The following RHD variants were observed in gnomAD, a reference collection of about 807,000 sequenced individuals.
RHD encodes the protein Rh blood group D antigen.
RHD carries 16 observed loss-of-function variants against 45.5 expected under a neutral mutation model. That is an observed-to-expected ratio of 0.35 (90% confidence interval 0.24 to 0.53). The LOEUF (loss-of-function observed/expected upper bound fraction) is 0.53, where lower values mean the gene tolerates loss of function less well. RHD is among the 20% of genes least tolerant of loss of function. The pLI, the probability that RHD is intolerant of heterozygous loss-of-function variation, is 0.92. For missense variants in RHD, 306 were observed against 532.0 expected (o/e 0.58, Z 4.18); for synonymous variants, 131 against 217.5 (o/e 0.60, Z 3.50).
At chr1:25,321,232 C>T (rs1189443150) in intron 8 of RHD, among the ~76,000 whole-genome samples, 1 of 127,762 alleles carries the variant, frequency 7.8e-6, no homozygotes, top group African/African-American at 2.7e-5. Flanking sequence ...CCATAGTAGC[C>T]CATATGTCTT....
chr1:25,313,740 G>A (rs866315502), intron 7 of RHD, among the ~76,000 whole-genome samples: 3 of 132,002 alleles, frequency 2.3e-5, no homozygotes, highest in Middle Eastern at 4.1e-3. Flanking sequence ...ACTGGGTGAG[G>A]GCATCCACTA....
At chr1:25,274,592 G>A (rs1196356054) in intron 1 of RHD, among the ~76,000 whole-genome samples, 1 of 133,500 alleles carries the variant, frequency 7.5e-6, no homozygotes, top group East Asian at 1.9e-4. Context: ...AGGCTCAGTA[G>A]GAATTACCTG....
rs1172481578 is a variant in RHD, at chr1:25,275,491, G to T, written c.148+2796G>T. Reference sequence around the variant, plus strand: ...GCATGGCTTGAGACACCAGACCAGCGTGGAGGCTGTAGTGTAGTATTGACC... The same window carrying T: ...GCATGGCTTGAGACACCAGACCAGCTTGGAGGCTGTAGTGTAGTATTGACC... On this transcript the variant is annotated intron_variant, in intron 1 of 9. Coordinates refer to ENST00000328664, the MANE Select transcript of RHD (RefSeq NM_016124.6). Among the ~76,000 whole-genome samples the T allele has an allele frequency of 3.8e-5, 5 of 131,238 alleles. 2 individuals are homozygous for T. Among genetic ancestry groups the T allele is most frequent in the Non-Finnish European group, 1.8e-5 (1 of 55,534 alleles). The allele number at this position is 131,238 out of a possible 152,430, so 86.1% of individuals were successfully genotyped here.
At chr1:25,277,651 C>G (rs1641127142) in intron 1 of RHD, among the ~76,000 whole-genome samples, 1 of 128,436 alleles carries the variant, frequency 7.8e-6, no homozygotes, top group South Asian at 2.4e-4. Flanking sequence ...TGAATTGACA[C>G]ACATAAAGAG....
Position 25,311,723 on chromosome 1 carries a change from G to GT in RHD, c.1073+4994_1073+4995insT, listed in dbSNP as rs1644159963. 2.4e-5 allele frequency among the ~76,000 whole-genome samples: 3 copies of GT among 126,138 alleles called. 1 individual carries two copies. The highest frequency in any genetic ancestry group is 1.9e-5 in the Non-Finnish European group (1 of 53,732). 82.8% of individuals were successfully genotyped at this position (126,138 alleles called of 152,430 possible). ...CTGCCCAGGGCTGCCTTGGGTCTCTGCTCCCCACATTTCTGGTGCAGCATT... is the reference window on the plus strand; with the variant it reads ...CTGCCCAGGGCTGCCTTGGGTCTCTGTCTCCCCACATTTCTGGTGCAGCATT... On this transcript the variant is annotated intron_variant, in intron 7 of 9. Transcript: ENST00000328664.
chr1:25,280,252 G>A (rs1447593749), intron 1 of RHD, among the ~76,000 whole-genome samples: 1 of 127,856 alleles, frequency 7.8e-6, no homozygotes, highest in Admixed American at 7.6e-5. Flanking sequence ...TCGGGATCAG[G>A]GGCAGCAGCT....
Position 25,305,583 on chromosome 1 carries a change from TTTGTTG to T in RHD, c.940-982_940-977del, listed in dbSNP as rs200713124. Among the ~76,000 whole-genome samples the T allele has an allele frequency of 3.4e-3, 410 of 118,918 alleles. 74 individuals carry two copies. In the Middle Eastern group the frequency reaches 0.041, roughly 12 times the overall value. The allele number at this position is 118,918 out of a possible 152,430, so 78.0% of individuals were successfully genotyped here. A position where few individuals can be genotyped will look rare whatever the true frequency, so the allele number is the denominator to read the frequency against. On this transcript the variant is annotated intron_variant, in intron 6 of 9. Coordinates refer to ENST00000328664, the MANE Select transcript of RHD (RefSeq NM_016124.6). ...GGCTAATTTTCGTGTGTGTATGTAT[TTTGTTG>T]TTGTTGTTGTTGTTGTTGTTGTTGT...
At position 25,292,058 on chromosome 1, in the gene RHD, G is replaced by A. The variant is rs1383715490; in HGVS notation, c.486+1267G>A. On this transcript the variant is annotated intron_variant, in intron 3 of 9. Transcript: ENST00000328664. ...GCCATAAATCCCTGTGTGACTCTGG[G>A]CAATTTAACCTCTTAGAGCTTTAGT... is the stretch of plus-strand genomic sequence containing the variant. Among the ~76,000 whole-genome samples the A allele has an allele frequency of 2.3e-5, 3 of 132,534 alleles. 1 individual carries two copies. The highest frequency in any genetic ancestry group is 5.4e-5 in the Non-Finnish European group (3 of 55,922). The allele number at this position is 132,534 out of a possible 152,430, so 86.9% of individuals were successfully genotyped here. A position where few individuals can be genotyped will look rare whatever the true frequency, so the allele number is the denominator to read the frequency against.
chr1:25,320,186 C>G lies in RHD; in HGVS notation c.1154-1703C>G, dbSNP rs1177188832. Among the ~76,000 whole-genome samples the G allele has an allele frequency of 3.0e-5, 4 of 132,444 alleles. No individual in the cohort carries two copies. In the East Asian group the frequency reaches 7.8e-4, roughly 26 times the overall value. The allele number at this position is 132,444 out of a possible 152,430, so 86.9% of individuals were successfully genotyped here. A position where few individuals can be genotyped will look rare whatever the true frequency, so the allele number is the denominator to read the frequency against. The stretch of plus-strand genomic sequence containing the variant: ...GTGCTGGGATTACAGGGATAAGCCA[C>G]TGCGACCGGCCGACAAATTCTTAAA... On this transcript the variant is annotated intron_variant, in intron 8 of 9. Coordinates refer to ENST00000328664, the MANE Select transcript of RHD (RefSeq NM_016124.6).
chr1:25,322,277 C>G lies in RHD; in HGVS notation c.1227+315C>G, dbSNP rs1225695952. Among the ~76,000 whole-genome samples the G allele has an allele frequency of 4.5e-5, 6 of 132,454 alleles. 1 individual carries two copies. The highest frequency in any genetic ancestry group is 1.1e-4 in the Non-Finnish European group (6 of 55,882). 86.9% of individuals were successfully genotyped at this position (132,454 alleles called of 152,430 possible). A position where few individuals can be genotyped will look rare whatever the true frequency, so the allele number is the denominator to read the frequency against. On this transcript the variant is annotated intron_variant, in intron 9 of 9. Transcript: ENST00000328664. ...CAGCGTAGCCAAATAGTCTGACATGCGGGTGACAGAACCCCACAATGCAAA... is the reference window on the plus strand; with the variant it reads ...CAGCGTAGCCAAATAGTCTGACATGGGGGTGACAGAACCCCACAATGCAAA...
chr1:25,284,767 G>A lies in RHD; in HGVS notation c.335+8G>A, dbSNP rs750386046. On this transcript the variant is annotated splice_region_variant and intron_variant, in intron 2 of 9. Transcript: ENST00000328664. The stretch of plus-strand genomic sequence containing the variant: ...GGTCATCACACTGTTCAGGTATTGG[G>A]ATGGTGGCTGGATCACTTCTGGGTC... 2.2e-6 allele frequency: 3 copies of A among 1,388,058 alleles called. No homozygotes were observed. The East Asian group carries it at 6.7e-5, about 31-fold the overall frequency. 86.0% of individuals were successfully genotyped at this position (1,388,058 alleles called of 1,614,324 possible). A position where few individuals can be genotyped will look rare whatever the true frequency, so the allele number is the denominator to read the frequency against.
At chr1:25,283,863 C>T (rs1641717079) in intron 1 of RHD, among the ~76,000 whole-genome samples, 2 of 133,980 alleles carry the variant, frequency 1.5e-5, no homozygotes, top group South Asian at 4.4e-4. Flanking sequence ...GGAATTAAAC[C>T]AAAGTGCTCA....
At chr1:25,275,557 G>A (rs1216794069) in intron 1 of RHD, among the ~76,000 whole-genome samples, 2 of 131,772 alleles carry the variant, frequency 1.5e-5, no homozygotes, top group African/African-American at 2.6e-5. Flanking sequence ...ACGATTTTTT[G>A]AGCATGTACC....
rs1643062885 is a variant in RHD, at chr1:25,297,644, T to C, written c.487-3302T>C. On this transcript the variant is annotated intron_variant, in intron 3 of 9. Coordinates refer to ENST00000328664, the MANE Select transcript of RHD (RefSeq NM_016124.6). ...CTGTTCATCCACTCATCTATGTACTTATTTATATCACCATGGGCTCCTGGA... is the reference window on the plus strand; with the variant it reads ...CTGTTCATCCACTCATCTATGTACTCATTTATATCACCATGGGCTCCTGGA... Among the ~76,000 whole-genome samples the C allele has an allele frequency of 2.3e-5, 3 of 132,116 alleles. No individual in the cohort carries two copies. In the South Asian group the frequency reaches 6.9e-4, roughly 31 times the overall value. The allele number at this position is 132,116 out of a possible 152,430, so 86.7% of individuals were successfully genotyped here.
intron 2 of RHD, among the ~76,000 whole-genome samples, chr1:25,286,824 T>C (rs1395784803): frequency 7.6e-6 from 1 of 131,844 alleles, no homozygotes; most frequent in Admixed American, 7.3e-5. Context: ...CCAGGCGCGG[T>C]GGTTCATGCC....
chr1:25,304,143 C>T (rs1389621297), intron 6 of RHD, among the ~76,000 whole-genome samples: 2 of 81,404 alleles, frequency 2.5e-5, no homozygotes, highest in Non-Finnish European at 2.9e-5. Flanking sequence ...AAATCCTGAT[C>T]GTTCCAGAAT....
In RHD at chr1:25,287,035, G is replaced by T. The variant is rs1394327696; in HGVS notation, c.335+2276G>T. Among the ~76,000 whole-genome samples the T allele has an allele frequency of 5.2e-5, 7 of 135,018 alleles. 3 individuals carry two copies. Among genetic ancestry groups the T allele is most frequent in the African/African-American group, 1.8e-4 (7 of 39,068 alleles). The allele number at this position is 135,018 out of a possible 152,430, so 88.6% of individuals were successfully genotyped here. On this transcript the variant is annotated intron_variant, in intron 2 of 9. Transcript: ENST00000328664. ...TTGAACCCGGGAGGCGGAGGCTATA[G>T]TGAGCCGAGATCGCACCATTGCACT...
intron 1 of RHD, among the ~76,000 whole-genome samples, chr1:25,274,689 A>G (rs1640787282): frequency 7.5e-6 from 1 of 133,444 alleles, no homozygotes; most frequent in South Asian, 2.3e-4. Flanking sequence ...TGGGCTTAAC[A>G]TTGCATTGCC....
At chr1:25,306,503 T>G in intron 6 of RHD, 93 bp from the exon 7 acceptor site, 1 of 1,192,298 alleles carries the variant, frequency 8.4e-7, no homozygotes, top group Non-Finnish European at 1.2e-6. Flanking sequence ...CCATCCCCCT[T>G]TGGTGGCCCC....
Sources: gnomAD v4.1 joint callset for allele counts (sites outside exome capture counted in the v4.1 genomes callset) on GRCh38, gnomAD v4.1.1 for gene constraint, MANE v1.5 for transcripts, NCBI Gene and HGNC (gene_info 2026-07-23, HGNC 2026-07-21) for gene names.